Variants in CUX2 observed in about 807,000 individuals in gnomAD.
CUX2 encodes the protein homeobox protein cut-like 2.
Under a neutral mutation model 144.8 loss-of-function variants are expected in CUX2, and 40 were observed. The observed-to-expected ratio is 0.28, with a 90% CI of 0.21 to 0.36. CUX2 has a LOEUF of 0.36. Ranked by LOEUF, CUX2 falls within the 10% of genes least tolerant of loss-of-function variation. The probability of loss-of-function intolerance (pLI) is 1.00; values close to 1 mark genes in which losing one functional copy is unlikely to be tolerated. For missense variants in CUX2, 1,615 were observed against 1,994.0 expected, an observed-to-expected ratio of 0.81 and a Z score of 3.62; for synonymous variants, 827 against 875.6, an observed-to-expected ratio of 0.94 and a Z score of 0.98.
intron 3 of CUX2, among the ~76,000 whole-genome samples, chr12:111,239,039 C>T (rs888084824): frequency 3.9e-5 from 6 of 152,090 alleles, no homozygotes; most frequent in Non-Finnish European, 7.4e-5. Flanking sequence ...AGCAAGATTC[C>T]GTCTCTAAAT....
intron 21 of CUX2, 47 bp downstream of exon 21, chr12:111,342,100 G>A (rs1247848396): frequency 6.4e-7 from 1 of 1,565,070 alleles, no homozygotes; most frequent in South Asian, 1.2e-5. Context: ...GAATCCAGGT[G>A]GGACCCCTTC....
intron 3 of CUX2, 64 bp downstream of exon 3, chr12:111,218,001 C>A: frequency 6.3e-7 from 1 of 1,580,260 alleles, no homozygotes; most frequent in Non-Finnish European, 8.7e-7. Context: ...CCTATCCCAC[C>A]TAGAGTTGCC....
rs531988031 is a variant in CUX2, at chr12:111,047,404, C to A, written c.63+13164C>A. ...CTCCTTTCTGTGGCTGTACCAGCCACACTCTACAGTTCGCGTTTTTACCTT... is the reference window on the plus strand; with the variant it reads ...CTCCTTTCTGTGGCTGTACCAGCCAAACTCTACAGTTCGCGTTTTTACCTT... On this transcript the variant is annotated intron_variant, in intron 1 of 21. Coordinates refer to ENST00000261726, the MANE Select transcript of CUX2 (RefSeq NM_015267.4). Among the ~76,000 whole-genome samples, 35 of 152,244 alleles carry A rather than the reference C, an allele frequency of 2.3e-4. No individual in the cohort carries two copies. In the East Asian group the frequency reaches 6.7e-3, roughly 29 times the overall value.
chr12:111,105,516 C>T (rs1592900287), intron 1 of CUX2, among the ~76,000 whole-genome samples: 2 of 151,428 alleles, frequency 1.3e-5, no homozygotes, highest in East Asian at 3.9e-4. Flanking sequence ...TGTGCTCACG[C>T]ACGTGTGCAT....
At chr12:111,167,060 C>A (rs971208529) in intron 1 of CUX2, among the ~76,000 whole-genome samples, 1 of 152,206 alleles carries the variant, frequency 6.6e-6, no homozygotes, top group South Asian at 2.1e-4. Context: ...GCAGGGAGAG[C>A]GAGAGCGCCA....
chr12:111,336,462 A>G (rs1888360084), intron 19 of CUX2, among the ~76,000 whole-genome samples: 3 of 135,122 alleles, frequency 2.2e-5, no homozygotes, highest in African/African-American at 9.1e-5. Flanking sequence ...GTGTGTGTTT[A>G]AGATGGAGTC....
intron 1 of CUX2, among the ~76,000 whole-genome samples, chr12:111,120,933 G>C (rs535596634): frequency 6.6e-6 from 1 of 151,366 alleles, no homozygotes; most frequent in Non-Finnish European, 1.5e-5. Context: ...AAACCAGCCC[G>C]GGGGGGTCCT....
At chr12:111,340,110 C>T (rs1441311434) in intron 20 of CUX2, among the ~76,000 whole-genome samples, 1 of 152,088 alleles carries the variant, frequency 6.6e-6, no homozygotes, top group Non-Finnish European at 1.5e-5. Flanking sequence ...GCAGGAGAAC[C>T]GCTTGAACCT....
At chr12:111,169,753 C>T (rs980823664) in intron 1 of CUX2, among the ~76,000 whole-genome samples, 15 of 152,306 alleles carry the variant, frequency 9.8e-5, no homozygotes, top group African/African-American at 3.6e-4. Context: ...GGATTTAGAA[C>T]AGAATATTAT....
intron 1 of CUX2, among the ~76,000 whole-genome samples, chr12:111,073,902 G>A (rs572151284): frequency 1.3e-5 from 2 of 152,052 alleles, no homozygotes; most frequent in South Asian, 4.2e-4. Context: ...GCTGCAGTGA[G>A]CGATGATCAC....
At chr12:111,177,011 A>T (rs1878895752) in intron 1 of CUX2, among the ~76,000 whole-genome samples, 1 of 152,146 alleles carries the variant, frequency 6.6e-6, no homozygotes, top group African/African-American at 2.4e-5. Context: ...CCTAGTTGTG[A>T]CTATCAAATA....
rs184004982 is a variant in CUX2 at position 111,190,611 on chromosome 12, C to T, written c.64-23589C>T. On this transcript the variant is annotated intron_variant, in intron 1 of 21. Coordinates refer to ENST00000261726, the MANE Select transcript of CUX2 (RefSeq NM_015267.4). This position sits in a 1 kb window ranked among gnomAD's most constrained non-coding sequence, Gnocchi z 4.0. ...CATCTTTCCTGGACATCCAGAGAGA[C>T]GCCTGGCATTTTTAGCTGATCAATA... is the stretch of plus-strand genomic sequence containing the variant. Among the ~76,000 whole-genome samples, 183 of 152,258 alleles carry T rather than the reference C, an allele frequency of 1.2e-3. No individual in the cohort carries two copies. The highest frequency in any genetic ancestry group is 3.7e-3 in the African/African-American group (152 of 41,556).
At chr12:111,224,029 C>T (rs545109446) in intron 3 of CUX2, among the ~76,000 whole-genome samples, 1 of 152,242 alleles carries the variant, frequency 6.6e-6, no homozygotes, top group African/African-American at 2.4e-5. Flanking sequence ...TTGACTGCAA[C>T]TCTGAATAAG....
chr12:111,074,787 G>A (rs1033239359), intron 1 of CUX2, among the ~76,000 whole-genome samples: 66 of 152,138 alleles, frequency 4.3e-4, no homozygotes, highest in Admixed American at 3.5e-3. Context: ...CCAGCAGCTG[G>A]GAGGACCTGG....
chr12:111,220,937 T>TA (rs1162004039), intron 3 of CUX2, among the ~76,000 whole-genome samples: 6,279 of 91,882 alleles, frequency 0.068, 268 homozygotes, highest in Admixed American at 0.11. Flanking sequence ...CCTGGTCTCT[T>TA]AAAAAAAAAA....
rs765585223 is a variant in CUX2 at position 111,263,889 on chromosome 12, C to G, written c.301+50C>G. Reference sequence around the variant, plus strand: ...TTGAATAGTTAACGACAATAAATAGCCATTAGGACTGTGACACAGGGACTT... The same window carrying G: ...TTGAATAGTTAACGACAATAAATAGGCATTAGGACTGTGACACAGGGACTT... On this transcript the variant is annotated intron_variant, in intron 4 of 21. Transcript: ENST00000261726. This position sits in a 1 kb window ranked among gnomAD's most constrained non-coding sequence, Gnocchi z 4.0. The G allele has an allele frequency of 6.6e-7, 1 of 1,514,636 alleles. No homozygotes were observed. Among genetic ancestry groups the G allele is most frequent in the South Asian group, 1.1e-5 (1 of 89,040 alleles). 93.8% of individuals were successfully genotyped at this position (1,514,636 alleles called of 1,614,324 possible).
chr12:111,239,475 GC>G (rs1018542501), intron 3 of CUX2, among the ~76,000 whole-genome samples: 21 of 152,312 alleles, frequency 1.4e-4, no homozygotes, highest in African/African-American at 4.3e-4. Flanking sequence ...TCGGGTGTAC[GC>G]CTTAGCAGGA....
intron 1 of CUX2, among the ~76,000 whole-genome samples, chr12:111,087,763 A>T (rs765611668): frequency 6.6e-6 from 1 of 152,224 alleles, no homozygotes; most frequent in Non-Finnish European, 1.5e-5. Flanking sequence ...TGTTGAATGA[A>T]TGAAATTATA....
chr12:111,163,179 T>C (rs1368418591), intron 1 of CUX2, among the ~76,000 whole-genome samples: 1 of 152,130 alleles, frequency 6.6e-6, no homozygotes, highest in Non-Finnish European at 1.5e-5. Flanking sequence ...CCTCATAGAA[T>C]TGTTGTAAGA....
Sources: gnomAD v4.1 joint callset for allele counts (sites outside exome capture counted in the v4.1 genomes callset) on GRCh38, gnomAD v4.1.1 for gene constraint, Gnocchi (gnomAD v3.1) non-coding constraint, MANE v1.5 for transcripts, NCBI Gene and HGNC (gene_info 2026-07-23, HGNC 2026-07-21) for gene names.